CNBD1: variants seen among roughly 807,000 people sequenced by gnomAD.
CNBD1 encodes cyclic nucleotide-binding domain-containing protein 1.
CNBD1 carries 71 observed loss-of-function variants against 54.4 expected under a neutral mutation model. The observed-to-expected ratio is 1.30, with a 90% confidence interval of 1.08 to 1.59. CNBD1 has a LOEUF of 1.59. Ranked by LOEUF, CNBD1 falls within the 40% of genes most tolerant of loss-of-function variation. The pLI is 0.00. For synonymous variants in CNBD1, 182 were observed against 170.7 expected (o/e 1.07, Z -0.51); for missense variants, 659 against 518.0 (o/e 1.27, Z -2.64).
At chr8:87,354,951 A>G (rs1810392996) in intron 10 of CNBD1, among the ~76,000 whole-genome samples, 1 of 152,156 alleles carries the variant, frequency 6.6e-6, no homozygotes, top group South Asian at 2.1e-4. Flanking sequence ...CATCAGAGAA[A>G]TGCAAATCAA....
intron 2 of CNBD1, among the ~76,000 whole-genome samples, chr8:87,389,546 G>A (rs1336627135): frequency 6.6e-6 from 1 of 152,118 alleles, no homozygotes; most frequent in African/African-American, 2.4e-5. Context: ...ACTTACAAGG[G>A]ACATGAATTA....
At chr8:87,423,324 T>C (rs1161066704) in intron 2 of CNBD1, among the ~76,000 whole-genome samples, 2 of 147,774 alleles carry the variant, frequency 1.4e-5, no homozygotes, top group African/African-American at 5.1e-5. Context: ...TGAATAGGAG[T>C]GGTGAGAGAG....
intron 10 of CNBD1, among the ~76,000 whole-genome samples, chr8:87,371,670 A>G (rs903278256): frequency 6.6e-6 from 1 of 152,066 alleles, no homozygotes; most frequent in African/African-American, 2.4e-5. Context: ...CTGGGATGCA[A>G]GGCTGGTTCA....
At chr8:86,996,773 A>T (rs1476963157) in intron 4 of CNBD1, among the ~76,000 whole-genome samples, 1 of 152,218 alleles carries the variant, frequency 6.6e-6, no homozygotes, top group Non-Finnish European at 1.5e-5. Context: ...GGGCTGCTAT[A>T]ACAAAGTACT....
At chr8:86,954,089 A>G (rs1383869859) in intron 4 of CNBD1, among the ~76,000 whole-genome samples, 1 of 152,198 alleles carries the variant, frequency 6.6e-6, no homozygotes, top group Non-Finnish European at 1.5e-5. Context: ...AAAAGGGAAG[A>G]CTTAGTCTTC....
intron 4 of CNBD1, among the ~76,000 whole-genome samples, chr8:87,167,605 C>T (rs976427171): frequency 6.6e-6 from 1 of 151,818 alleles, no homozygotes; most frequent in African/African-American, 2.4e-5. Context: ...GCTTTCTGAA[C>T]CACCTGGTGG....
chr8:87,223,376 T>C (rs1181932223), intron 5 of CNBD1, among the ~76,000 whole-genome samples: 1 of 151,770 alleles, frequency 6.6e-6, no homozygotes, highest in Non-Finnish European at 1.5e-5. Context: ...TATCTCCCAA[T>C]GCTATCCCTC....
chr8:87,119,902 C>T (rs1447017983), intron 4 of CNBD1, among the ~76,000 whole-genome samples: 1 of 152,074 alleles, frequency 6.6e-6, no homozygotes. Flanking sequence ...ATATGTTGAA[C>T]TATCCTTGCA....
chr8:86,892,917 G>C (rs1382279175), intron 2 of CNBD1, among the ~76,000 whole-genome samples: 2 of 152,144 alleles, frequency 1.3e-5, no homozygotes, highest in African/African-American at 4.8e-5. Context: ...AAGAAATGAA[G>C]AGATAGGGGA....
chr8:87,081,320 T>C (rs1390263552), intron 4 of CNBD1, among the ~76,000 whole-genome samples: 1 of 152,116 alleles, frequency 6.6e-6, no homozygotes, highest in African/African-American at 2.4e-5. Flanking sequence ...GCTATCTTTC[T>C]GGTGTGTATT....
rs750113645 is a variant in CNBD1, at chr8:87,353,729, A to G, written c.1246A>G (p.Thr416Ala). The change falls in exon 10 of 11, where the codon ACA (threonine) becomes GCA (alanine). Residue 416 changes from threonine to alanine, a missense_variant. Transcript: ENST00000518476. ...SVLLQVPFTC[T>A]IITKKEVEMA... is the part of the protein sequence containing the mutation. ...CCTTCTTCAAGTTCCTTTCACGTGCACAATCATTACCAAAAAAGAAGTTGA... is the reference window on the plus strand; with the variant it reads ...CCTTCTTCAAGTTCCTTTCACGTGCGCAATCATTACCAAAAAAGAAGTTGA... The G allele has an allele frequency of 1.9e-6, 3 of 1,611,886 alleles. No individual in the cohort carries two copies. The Admixed American group carries it at 5.0e-5, about 27-fold the overall frequency.
At chr8:87,132,184 A>G (rs748339531) in intron 4 of CNBD1, among the ~76,000 whole-genome samples, 12 of 151,818 alleles carry the variant, frequency 7.9e-5, no homozygotes, top group Non-Finnish European at 1.2e-4. Context: ...TCCATATTAT[A>G]CCTTGCTTCA....
intron 2 of CNBD1, among the ~76,000 whole-genome samples, chr8:86,904,546 T>C (rs1423471453): frequency 6.6e-6 from 1 of 152,126 alleles, no homozygotes; most frequent in Non-Finnish European, 1.5e-5. Flanking sequence ...TTGGAGTTTA[T>C]GATTATCAAT....
At chr8:87,136,097 A>G (rs1207982956) in intron 4 of CNBD1, among the ~76,000 whole-genome samples, 2 of 152,012 alleles carry the variant, frequency 1.3e-5, no homozygotes, top group Non-Finnish European at 2.9e-5. Context: ...CTTGGAGAAG[A>G]TAGAATAGTT....
chr8:87,050,078 T>C (rs1046956122), intron 4 of CNBD1, among the ~76,000 whole-genome samples: 8 of 152,198 alleles, frequency 5.3e-5, no homozygotes, highest in Non-Finnish European at 1.2e-4. Flanking sequence ...TAAAGGATTT[T>C]TGGGCCTCAG....
chr8:87,393,301 T>C (rs1259123681), intron 2 of CNBD1, among the ~76,000 whole-genome samples: 3 of 151,902 alleles, frequency 2.0e-5, no homozygotes, highest in Non-Finnish European at 4.4e-5. Context: ...GTAATGTTTC[T>C]TGCTCTTTTG....
At chr8:87,008,458 G>T (rs912734647) in intron 4 of CNBD1, among the ~76,000 whole-genome samples, 2 of 152,052 alleles carry the variant, frequency 1.3e-5, no homozygotes, top group African/African-American at 4.8e-5. Context: ...GGCCGGGGTG[G>T]GTCTTAGAAG....
intron 3 of CNBD1, among the ~76,000 whole-genome samples, chr8:86,932,204 T>G (rs1436408084): frequency 6.6e-6 from 1 of 152,216 alleles, no homozygotes; most frequent in African/African-American, 2.4e-5. Context: ...AGGTTTGCCC[T>G]AGACCCTGTA....
intron 6 of CNBD1, among the ~76,000 whole-genome samples, chr8:87,241,437 A>ATT (rs368012323): frequency 1.3e-5 from 2 of 151,412 alleles, no homozygotes; most frequent in African/African-American, 2.4e-5. Context: ...CGCCTGGCTA[A>ATT]TTTTTTTTGT....
Sources: gnomAD v4.1 joint callset for allele counts (sites outside exome capture counted in the v4.1 genomes callset) on GRCh38, gnomAD v4.1.1 for gene constraint, MANE v1.5 for transcripts, NCBI Gene and HGNC (gene_info 2026-07-23, HGNC 2026-07-21) for gene names.